ANKRD6: variants seen among roughly 807,000 people sequenced by gnomAD.
The protein encoded by ANKRD6 is ankyrin repeat domain-containing protein 6.
ANKRD6 carries 56 observed loss-of-function variants against 82.3 expected under a neutral mutation model. The observed-to-expected ratio is 0.68, with a 90% confidence interval of 0.55 to 0.85. ANKRD6 has a LOEUF of 0.85. Among genes scored for constraint, ANKRD6 ranks in the 40% least tolerant of loss-of-function variants. The pLI is 0.00. For synonymous variants in ANKRD6, 347 were observed against 352.1 expected (o/e 0.99, Z 0.16); for missense variants, 852 against 907.6 (o/e 0.94, Z 0.79).
chr6:89,624,346 T>G, intron 12 of ANKRD6, 193 bp from the exon 13 acceptor site: 1 of 714,632 alleles, frequency 1.4e-6, no homozygotes, highest in Non-Finnish European at 2.3e-6. Flanking sequence ...GGACCATATC[T>G]TACCCTCTGA....
chr6:89,535,557 A>G (rs1277787580), intron 1 of ANKRD6, among the ~76,000 whole-genome samples: 2 of 152,228 alleles, frequency 1.3e-5, no homozygotes, highest in Non-Finnish European at 2.9e-5. Context: ...GTACCTGGCC[A>G]TACACAAGAC....
intron 8 of ANKRD6, among the ~76,000 whole-genome samples, chr6:89,617,513 G>A (rs766659273): frequency 4.6e-5 from 7 of 152,092 alleles, no homozygotes; most frequent in Admixed American, 2.6e-4. Flanking sequence ...CTGCTCCTCC[G>A]GCGTCTTCCC....
intron 1 of ANKRD6, among the ~76,000 whole-genome samples, chr6:89,482,063 C>T (rs941390576): frequency 2.0e-5 from 3 of 152,166 alleles, no homozygotes; most frequent in Non-Finnish European, 2.9e-5. Flanking sequence ...AGCCCCTGCT[C>T]ACACACTCAG....
intron 1 of ANKRD6, among the ~76,000 whole-genome samples, chr6:89,485,026 C>T (rs1777210198): frequency 6.6e-6 from 1 of 152,166 alleles, no homozygotes; most frequent in Non-Finnish European, 1.5e-5. Context: ...CAGGTTGCCA[C>T]ACTGTATGGG....
intron 1 of ANKRD6, chr6:89,478,475 G>T (rs1776350676): frequency 6.6e-6 from 1 of 152,406 alleles, no homozygotes; most frequent in African/African-American, 2.4e-5. Context: ...GCTCACGCCT[G>T]TAATCCCAGC....
At chr6:89,564,191 ACT>A (rs1237927062) in intron 1 of ANKRD6, among the ~76,000 whole-genome samples, 1 of 151,598 alleles carries the variant, frequency 6.6e-6, no homozygotes, top group African/African-American at 2.4e-5. Context: ...TTTCTGTATG[ACT>A]CTGGTAGGGA....
chr6:89,624,718 T>C (rs750398229), intron 13 of ANKRD6, 27 bp downstream of exon 13: 3 of 1,594,954 alleles, frequency 1.9e-6, no homozygotes, highest in Admixed American at 3.5e-5. Context: ...AGCTTCCTAA[T>C]TGCAAGGTGT....
At chr6:89,439,009 T>TAC (rs1352972683) in intron 1 of ANKRD6, among the ~76,000 whole-genome samples, 1 of 152,180 alleles carries the variant, frequency 6.6e-6, no homozygotes, top group Non-Finnish European at 1.5e-5. Flanking sequence ...TATATGTATA[T>TAC]ACACTGTATA....
intron 1 of ANKRD6, among the ~76,000 whole-genome samples, chr6:89,566,438 C>T (rs1054660774): frequency 5.3e-5 from 8 of 152,190 alleles, no homozygotes; most frequent in African/African-American, 1.2e-4. Context: ...CCATGGTGGA[C>T]GCACAAAATC....
intron 2 of ANKRD6, among the ~76,000 whole-genome samples, chr6:89,584,319 C>T (rs1415972391): frequency 6.6e-6 from 1 of 152,250 alleles, no homozygotes; most frequent in Non-Finnish European, 1.5e-5. Context: ...CTCGAAGCCA[C>T]TGAGCTGCCC....
At chr6:89,519,646 T>A (rs892035028) in intron 1 of ANKRD6, among the ~76,000 whole-genome samples, 2 of 152,134 alleles carry the variant, frequency 1.3e-5, no homozygotes, top group Admixed American at 6.5e-5. Flanking sequence ...GGAGGAGAGA[T>A]TTGAAATATG....
intron 2 of ANKRD6, among the ~76,000 whole-genome samples, chr6:89,572,739 A>G (rs1790225423): frequency 6.6e-6 from 1 of 152,150 alleles, no homozygotes; most frequent in Admixed American, 6.6e-5. Context: ...GCATGTGGGT[A>G]TCTGGCTTTC....
intron 2 of ANKRD6, among the ~76,000 whole-genome samples, chr6:89,572,173 T>C (rs1790073332): frequency 6.6e-6 from 1 of 152,262 alleles, no homozygotes; most frequent in South Asian, 2.1e-4. Flanking sequence ...AGCATTCACC[T>C]ACTGAAGGAC....
intron 1 of ANKRD6, among the ~76,000 whole-genome samples, chr6:89,544,303 G>A (rs1354412790): frequency 1.3e-5 from 2 of 152,194 alleles, no homozygotes; most frequent in South Asian, 2.1e-4. Flanking sequence ...GGTGTCTGCC[G>A]GAATACTAAA....
At chr6:89,525,024 G>C (rs1435657847) in intron 1 of ANKRD6, among the ~76,000 whole-genome samples, 2 of 151,984 alleles carry the variant, frequency 1.3e-5, no homozygotes, top group East Asian at 1.9e-4. Context: ...GCTGGGTGTG[G>C]TGGTTCATGC....
In ANKRD6 at chr6:89,447,854, A is replaced by ATTTTTTTTTTTT. The variant is rs530068070; in HGVS notation, c.-144+14490_-144+14491insTTTTTTTTTTTT. Reference sequence around the variant, plus strand: ...AGGCATGTGCCACCACGCCCAGCTAATTTTTTTTTTTCAGTAGAGATGGGG... The same window carrying ATTTTTTTTTTTT: ...AGGCATGTGCCACCACGCCCAGCTAATTTTTTTTTTTTTTTTTTTTTTTCAGTAGAGATGGGG... On this transcript the variant is annotated intron_variant, in intron 1 of 15. Coordinates refer to ENST00000339746, the MANE Select transcript of ANKRD6 (RefSeq NM_001242809.2). 5.8e-4 allele frequency among the ~76,000 whole-genome samples: 69 copies of ATTTTTTTTTTTT among 119,004 alleles called. 4 individuals carry two copies. Among genetic ancestry groups the ATTTTTTTTTTTT allele is most frequent in the African/African-American group, 1.7e-3 (50 of 28,754 alleles). 78.1% of individuals were successfully genotyped at this position (119,004 alleles called of 152,430 possible).
chr6:89,627,463 G>C (rs780554538), intron 13 of ANKRD6, 120 bp from the exon 14 acceptor site: 21 of 696,568 alleles, frequency 3.0e-5, no homozygotes, highest in Non-Finnish European at 5.1e-5. Flanking sequence ...TCAGATAAGG[G>C]GTTGAAGTTT....
chr6:89,485,985 A>G (rs1777320684), intron 1 of ANKRD6, among the ~76,000 whole-genome samples: 1 of 152,216 alleles, frequency 6.6e-6, no homozygotes, highest in Non-Finnish European at 1.5e-5. Context: ...AAAATAATTT[A>G]TTTAAAGAAA....
At chr6:89,490,913 G>T (rs1335382173) in intron 1 of ANKRD6, among the ~76,000 whole-genome samples, 2 of 152,150 alleles carry the variant, frequency 1.3e-5, no homozygotes, top group Non-Finnish European at 2.9e-5. Context: ...TTTTGCAGAT[G>T]TGATTAAGAT....
Sources: gnomAD v4.1 joint callset for allele counts (sites outside exome capture counted in the v4.1 genomes callset) on GRCh38, gnomAD v4.1.1 for gene constraint, MANE v1.5 for transcripts, NCBI Gene and HGNC (gene_info 2026-07-23, HGNC 2026-07-21) for gene names.